Variants in PTPRT observed in about 807,000 individuals in gnomAD.
PTPRT encodes protein tyrosine phosphatase receptor type T, also known as receptor-type tyrosine-protein phosphatase T.
A neutral mutation model predicts 176.8 loss-of-function variants in PTPRT; 56 were observed. That is an observed-to-expected ratio of 0.32 (90% CI 0.26 to 0.40). PTPRT has a LOEUF of 0.40. Ranked by LOEUF, PTPRT falls within the 10% of genes least tolerant of loss-of-function variation. PTPRT has a pLI of 1.00. For synonymous variants in PTPRT, 783 were observed against 739.0 expected (o/e 1.06, Z -0.96); for missense variants, 1,540 against 1,908.2 (o/e 0.81, Z 3.60).
At chr20:42,894,395 C>T (rs922125431) in intron 1 of PTPRT, among the ~76,000 whole-genome samples, 2 of 152,054 alleles carry the variant, frequency 1.3e-5, no homozygotes, top group Admixed American at 1.3e-4. Context: ...TCAAGATAAC[C>T]ATGTCCAGTG....
intron 2 of PTPRT, among the ~76,000 whole-genome samples, chr20:42,875,311 C>T (rs551289698): frequency 6.6e-6 from 1 of 152,314 alleles, no homozygotes; most frequent in Non-Finnish European, 1.5e-5. Context: ...TCATTACTTG[C>T]TCATATCCTC....
intron 1 of PTPRT, among the ~76,000 whole-genome samples, chr20:42,930,955 C>T (rs1431122558): frequency 6.6e-6 from 1 of 151,486 alleles, no homozygotes; most frequent in Non-Finnish European, 1.5e-5. Context: ...CAAACAACAA[C>T]AACAAAAAAC....
rs141229403 is a variant in PTPRT, at chr20:42,823,282, G to C, written c.215-31816C>G. On this transcript the variant is annotated intron_variant, in intron 2 of 30. Transcript: ENST00000373187. ...AGCCAGCATCCTCAGCAAACTAACA[G>C]AGGAACAGAAAACCAAACACCGCAT... Among the ~76,000 whole-genome samples the C allele has an allele frequency of 4.7e-4, 72 of 152,200 alleles. 1 individual carries two copies. Among genetic ancestry groups the C allele is most frequent in the African/African-American group, 1.6e-3 (66 of 41,536 alleles).
chr20:43,131,919 C>T (rs2013656824), intron 1 of PTPRT, among the ~76,000 whole-genome samples: 1 of 151,982 alleles, frequency 6.6e-6, no homozygotes, highest in South Asian at 2.1e-4. Context: ...ACCAAAAAAG[C>T]ATATACTCAT....
At chr20:42,271,083 C>T (rs935124139) in intron 13 of PTPRT, among the ~76,000 whole-genome samples, 128 of 152,148 alleles carry the variant, frequency 8.4e-4, no homozygotes, top group African/African-American at 3.0e-3. Flanking sequence ...AGTTGAAATA[C>T]AACAGTGCTG....
intron 8 of PTPRT, among the ~76,000 whole-genome samples, chr20:42,465,834 A>C (rs1018282271): frequency 6.6e-6 from 1 of 152,144 alleles, no homozygotes; most frequent in Non-Finnish European, 1.5e-5. Context: ...TACATAGGTA[A>C]ATGCATGCCA....
intron 8 of PTPRT, 69 bp downstream of exon 8, chr20:42,472,197 C>G: frequency 6.6e-7 from 1 of 1,513,394 alleles, no homozygotes. Flanking sequence ...AGCCTCATAA[C>G]TGACTGCCAT....
At chr20:42,687,633 G>A (rs1039863358) in intron 6 of PTPRT, 1 of 152,158 alleles carries the variant, frequency 6.6e-6, no homozygotes, top group Admixed American at 6.5e-5. Flanking sequence ...TAAAGCTTTG[G>A]AATCAAAGGC....
At chr20:42,499,201 T>G (rs1426683331) in intron 7 of PTPRT, among the ~76,000 whole-genome samples, 1 of 152,202 alleles carries the variant, frequency 6.6e-6, no homozygotes, top group Non-Finnish European at 1.5e-5. Context: ...TGTGCAGTTA[T>G]GATCTAATAC....
At position 42,126,064 on chromosome 20, in the gene PTPRT, G is replaced by A. The variant is rs533641165; in HGVS notation, c.2847+2690C>T. On this transcript the variant is annotated intron_variant, in intron 19 of 30. Coordinates refer to ENST00000373187, the MANE Select transcript of PTPRT (RefSeq NM_007050.6). ...GGAAGGAGAAAGAGTGCTAAACTGG[G>A]AGCCATTCAGGTCTGGTTCCCATCC... is the stretch of plus-strand genomic sequence containing the variant. 1.2e-4 allele frequency among the ~76,000 whole-genome samples: 18 copies of A among 152,106 alleles called. No homozygotes were observed. In the South Asian group the frequency reaches 2.9e-3, roughly 25 times the overall value.
Position 42,073,555 on chromosome 20 carries a change from G to A in PTPRT, c.*7324C>T, listed in dbSNP as rs1026248787. On this transcript the variant is annotated 3_prime_UTR_variant, in exon 31 of 31. Transcript: ENST00000373187. ...TTCACTGGTTCTGGCTGTCACTCATGGCCCTGTTGGTCAGTGGGTCTGAGT... is the reference window on the plus strand; with the variant it reads ...TTCACTGGTTCTGGCTGTCACTCATAGCCCTGTTGGTCAGTGGGTCTGAGT... 9.2e-6 allele frequency: 2 copies of A among 217,582 alleles called. No homozygotes were observed. Among genetic ancestry groups the A allele is most frequent in the East Asian group, 1.4e-4 (2 of 14,666 alleles). The allele number at this position is 217,582 out of a possible 1,614,324, so 13.5% of individuals were successfully genotyped here.
intron 7 of PTPRT, among the ~76,000 whole-genome samples, chr20:42,675,433 T>C (rs550148324): frequency 6.6e-6 from 1 of 152,372 alleles, no homozygotes; most frequent in East Asian, 1.9e-4. Context: ...TTAAATAATG[T>C]TGTGCATGAA....
chr20:42,669,446 G>A (rs542052348), intron 7 of PTPRT, among the ~76,000 whole-genome samples: 20 of 152,146 alleles, frequency 1.3e-4, no homozygotes, highest in African/African-American at 4.8e-4. Flanking sequence ...CATGTTCCCC[G>A]AAGATTTATG....
intron 1 of PTPRT, among the ~76,000 whole-genome samples, chr20:43,048,072 A>T (rs1466528154): frequency 6.6e-6 from 1 of 152,152 alleles, no homozygotes; most frequent in Non-Finnish European, 1.5e-5. Flanking sequence ...AGAAAAGAAC[A>T]TGGGAGTACA....
At chr20:42,679,520 G>A (rs1400816808) in intron 6 of PTPRT, among the ~76,000 whole-genome samples, 17 of 152,028 alleles carry the variant, frequency 1.1e-4, no homozygotes, top group Admixed American at 1.1e-3. Flanking sequence ...ATGGAAGAAA[G>A]AGAAAATATG....
intron 1 of PTPRT, chr20:42,966,334 T>C (rs1982290930): frequency 6.6e-6 from 1 of 152,216 alleles, no homozygotes; most frequent in Non-Finnish European, 1.5e-5. Flanking sequence ...TTAACGAGGC[T>C]GGTAATATTT....
In PTPRT at chr20:42,491,453, C is replaced by T. The variant is rs1424872127; in HGVS notation, c.1154-18891G>A. Reference sequence around the variant, plus strand: ...TGTACTATCTTCACACTGTGGTTGACTGTAATTGCAACCAAGAAAAGTGAA... The same window carrying T: ...TGTACTATCTTCACACTGTGGTTGATTGTAATTGCAACCAAGAAAAGTGAA... On this transcript the variant is annotated intron_variant, in intron 7 of 30. Transcript: ENST00000373187. 6.6e-5 allele frequency among the ~76,000 whole-genome samples: 10 copies of T among 152,134 alleles called. No homozygotes were observed. The South Asian group carries it at 1.0e-3, about 16-fold the overall frequency.
At chr20:42,983,724 C>T (rs4141726) in intron 1 of PTPRT, among the ~76,000 whole-genome samples, 34,220 of 152,200 alleles carry the variant, frequency 0.22, 3,968 homozygotes, top group East Asian at 0.27. Context: ...CTTGGAGGTA[C>T]TGCCCAGAGC....
intron 9 of PTPRT, among the ~76,000 whole-genome samples, chr20:42,396,502 A>C (rs1600951883): frequency 6.6e-6 from 1 of 151,716 alleles, no homozygotes; most frequent in Non-Finnish European, 1.5e-5. Flanking sequence ...TCCCTTACTC[A>C]CTCTATTCCA....
Sources: gnomAD v4.1 joint callset for allele counts (sites outside exome capture counted in the v4.1 genomes callset) on GRCh38, gnomAD v4.1.1 for gene constraint, MANE v1.5 for transcripts, NCBI Gene and HGNC (gene_info 2026-07-23, HGNC 2026-07-21) for gene names.